DLGAP1: variants seen among roughly 807,000 people sequenced by gnomAD.
DLGAP1 encodes DLG associated protein 1.
In DLGAP1, 11 loss-of-function variants were observed where a neutral mutation model predicts 90.8. The observed-to-expected ratio is 0.12, with a 90% CI of 0.08 to 0.20. The LOEUF is 0.20. Among genes scored for constraint, DLGAP1 ranks in the 10% least tolerant of loss-of-function variants. The probability of loss-of-function intolerance (pLI) is 1.00; values close to 1 mark genes in which losing one functional copy is unlikely to be tolerated. For missense variants in DLGAP1, 1,050 were observed against 1,333.8 expected (o/e 0.79, Z 3.31); for synonymous variants, 558 against 540.7 (o/e 1.03, Z -0.44).
chr18:3,595,420 A>G (rs574954051), intron 7 of DLGAP1, among the ~76,000 whole-genome samples: 1 of 152,196 alleles, frequency 6.6e-6, no homozygotes, highest in Admixed American at 6.5e-5. Flanking sequence ...GAAGGCTACC[A>G]TATGTAAATC....
chr18:4,331,925 T>C (rs995009410), intron 1 of DLGAP1, among the ~76,000 whole-genome samples: 4 of 151,898 alleles, frequency 2.6e-5, no homozygotes, highest in African/African-American at 9.7e-5. Flanking sequence ...CTAAGCTTCA[T>C]GCTGAGAAGG....
intron 1 of DLGAP1, among the ~76,000 whole-genome samples, chr18:4,288,460 G>T (rs1598820959): frequency 6.6e-6 from 1 of 152,096 alleles, no homozygotes; most frequent in African/African-American, 2.4e-5. Context: ...TTTCTTCAAA[G>T]AACTCAAAAG....
At chr18:3,877,524 T>C (rs2071034619) in intron 4 of DLGAP1, among the ~76,000 whole-genome samples, 4 of 152,228 alleles carry the variant, frequency 2.6e-5, no homozygotes. Context: ...AAATGTGTGG[T>C]ACTCTAGGGC....
At chr18:3,967,429 A>G (rs2073353890) in intron 3 of DLGAP1, among the ~76,000 whole-genome samples, 2 of 152,222 alleles carry the variant, frequency 1.3e-5, no homozygotes, top group African/African-American at 4.8e-5. Flanking sequence ...GACTCTGCAG[A>G]ACCTGGGAAC....
At chr18:3,538,612 T>G (rs2052517164) in intron 9 of DLGAP1, among the ~76,000 whole-genome samples, 1 of 152,228 alleles carries the variant, frequency 6.6e-6, no homozygotes, top group African/African-American at 2.4e-5. Context: ...ATGTGTGAAT[T>G]GGATGACTCT....
chr18:3,786,930 T>C (rs762195319), intron 5 of DLGAP1, among the ~76,000 whole-genome samples: 46 of 152,106 alleles, frequency 3.0e-4, no homozygotes, highest in Middle Eastern at 3.2e-3. Context: ...CACAACCTAA[T>C]AGAGATTTCA....
intron 5 of DLGAP1, among the ~76,000 whole-genome samples, chr18:3,795,599 T>C (rs566612898): frequency 1.3e-5 from 2 of 152,146 alleles, no homozygotes; most frequent in East Asian, 3.9e-4. Context: ...CAGGCATGAG[T>C]CACCGCGCCT....
In DLGAP1 at chr18:3,674,309, A is replaced by ATG. The variant is rs1466894852; in HGVS notation, c.1591+54825_1591+54826insCA. On this transcript the variant is annotated intron_variant, in intron 7 of 12. Coordinates refer to ENST00000315677, the MANE Select transcript of DLGAP1 (RefSeq NM_004746.4). ...CTATAATATTAAAATATATATATAT[A>ATG]TATGTATATTTTAAAAAATGCTGCC... 3.5e-3 allele frequency among the ~76,000 whole-genome samples: 489 copies of ATG among 140,498 alleles called. 8 individuals are homozygous for ATG. Among genetic ancestry groups the ATG allele is most frequent in the African/African-American group, 0.013 (467 of 35,080 alleles). The allele number at this position is 140,498 out of a possible 152,430, so 92.2% of individuals were successfully genotyped here. A position where few individuals can be genotyped will look rare whatever the true frequency, so the allele number is the denominator to read the frequency against.
chr18:4,399,800 G>A (rs2082514839), intron 1 of DLGAP1, among the ~76,000 whole-genome samples: 2 of 152,136 alleles, frequency 1.3e-5, no homozygotes, highest in African/African-American at 2.4e-5. Flanking sequence ...CACTTCATAG[G>A]GGGCTAAAGA....
intron 3 of DLGAP1, among the ~76,000 whole-genome samples, chr18:3,966,311 A>G (rs956219166): frequency 6.6e-6 from 1 of 151,948 alleles, no homozygotes; most frequent in East Asian, 2.0e-4. Context: ...GTAGTGCTCT[A>G]TTTGCCTTAA....
chr18:3,591,206 TGAAG>T (rs538296726), intron 7 of DLGAP1, among the ~76,000 whole-genome samples: 219 of 152,122 alleles, frequency 1.4e-3, no homozygotes, highest in Middle Eastern at 3.4e-3. Flanking sequence ...AGAGGTAACT[TGAAG>T]CCACAGGCTA....
chr18:4,087,064 CACACTT>C lies in DLGAP1; in HGVS notation c.-159+64110_-159+64115del, dbSNP rs1343248376. 2.4e-3 allele frequency among the ~76,000 whole-genome samples: 220 copies of C among 92,292 alleles called. 3 individuals carry two copies. The highest frequency in any genetic ancestry group is 8.8e-3 in the African/African-American group (208 of 23,696). The allele number at this position is 92,292 out of a possible 152,430, so 60.5% of individuals were successfully genotyped here. On this transcript the variant is annotated intron_variant, in intron 2 of 12. Coordinates refer to ENST00000315677, the MANE Select transcript of DLGAP1 (RefSeq NM_004746.4). ...ATACACAAACACATATATATATACA[CACACTT>C]ATATATACATATATGTATATATGTA... is the stretch of plus-strand genomic sequence containing the variant.
chr18:3,564,399 G>C lies in DLGAP1; in HGVS notation c.2057+3091C>G, dbSNP rs145773710. Reference sequence around the variant, plus strand: ...CCATGTGGAAGGCTAGAGGAAACTAGAGCTGAGTGTTTTCCTTCCCCCAGG... The same window carrying C: ...CCATGTGGAAGGCTAGAGGAAACTACAGCTGAGTGTTTTCCTTCCCCCAGG... On this transcript the variant is annotated intron_variant, in intron 9 of 12. Coordinates refer to ENST00000315677, the MANE Select transcript of DLGAP1 (RefSeq NM_004746.4). 4.4e-3 allele frequency among the ~76,000 whole-genome samples: 676 copies of C among 152,248 alleles called. 2 individuals carry two copies. Among genetic ancestry groups the C allele is most frequent in the African/African-American group, 0.015 (637 of 41,538 alleles).
chr18:4,398,446 A>G (rs1040385759), intron 1 of DLGAP1, among the ~76,000 whole-genome samples: 1 of 152,252 alleles, frequency 6.6e-6, no homozygotes, highest in Non-Finnish European at 1.5e-5. Flanking sequence ...TGCTATGGAC[A>G]TACCAACTGA....
intron 3 of DLGAP1, among the ~76,000 whole-genome samples, chr18:3,970,106 G>A (rs1053782051): frequency 2.0e-5 from 3 of 152,118 alleles, no homozygotes; most frequent in Non-Finnish European, 2.9e-5. Flanking sequence ...TGAAGCAAAC[G>A]TATTACAAAA....
intron 4 of DLGAP1, among the ~76,000 whole-genome samples, chr18:3,873,921 A>G (rs1220376297): frequency 6.6e-6 from 1 of 152,216 alleles, no homozygotes; most frequent in African/African-American, 2.4e-5. Flanking sequence ...TGTCAATTAA[A>G]GATTTTATAA....
At chr18:3,540,331 G>A (rs2052617795) in intron 9 of DLGAP1, among the ~76,000 whole-genome samples, 1 of 151,716 alleles carries the variant, frequency 6.6e-6, no homozygotes, top group African/African-American at 2.4e-5. Flanking sequence ...GCCTGACATG[G>A]TGGTACGTGG....
At chr18:3,613,131 C>T (rs1317826563) in intron 7 of DLGAP1, among the ~76,000 whole-genome samples, 1 of 152,062 alleles carries the variant, frequency 6.6e-6, no homozygotes, top group African/African-American at 2.4e-5. Context: ...AGCCACCACG[C>T]CTGGCCTTTT....
chr18:4,354,887 CAAAAAAAAAAAAAAAAAAAA>C (rs60379984), intron 1 of DLGAP1, among the ~76,000 whole-genome samples: 7 of 23,874 alleles, frequency 2.9e-4, no homozygotes, highest in Admixed American at 8.2e-4. Flanking sequence ...TTACTCTCAC[CAAAAAAAAAAAAAAAAAAAA>C]AAAAAAAAAA....
Sources: allele counts gnomAD v4.1 joint callset (sites outside exome capture counted in the v4.1 genomes callset), GRCh38; gene constraint gnomAD v4.1.1; transcripts MANE v1.5; gene names NCBI Gene and HGNC (gene_info 2026-07-23, HGNC 2026-07-21).